ASPM: variants seen among roughly 807,000 people sequenced by gnomAD.
ASPM encodes abnormal spindle-like microcephaly-associated protein.
In ASPM, 256 loss-of-function variants were observed where a neutral mutation model predicts 366.4. The ratio of observed to expected loss-of-function variants is 0.70; its 90% CI spans 0.63 to 0.77. The LOEUF is 0.77. ASPM is among the 30% of genes least tolerant of loss of function. The pLI is 0.00. For synonymous variants in ASPM, 1,414 were observed against 1,342.9 expected, an observed-to-expected ratio of 1.05 and a Z score of -1.16; for missense variants, 4,146 against 4,090.4, an observed-to-expected ratio of 1.01 and a Z score of -0.37.
chr1:197,095,760 A>T (rs938533536), intron 19 of ASPM, among the ~76,000 whole-genome samples: 2 of 50,600 alleles, frequency 4.0e-5, no homozygotes, highest in African/African-American at 6.3e-5. Flanking sequence ...TGAATTAATC[A>T]AGTATATAAT....
intron 18 of ASPM, 149 bp downstream of exon 18, chr1:197,100,282 T>G: frequency 1.6e-6 from 1 of 616,614 alleles, no homozygotes; most frequent in Non-Finnish European, 2.7e-6. Flanking sequence ...CCTTTCCCTC[T>G]TTCAAAAATG....
At chr1:197,145,421 A>C (rs1027071486) in intron 1 of ASPM, among the ~76,000 whole-genome samples, 13 of 152,148 alleles carry the variant, frequency 8.5e-5, no homozygotes, top group Non-Finnish European at 1.6e-4. Context: ...GGACTAAAAT[A>C]CTAAAGTGTG....
intron 17 of ASPM, among the ~76,000 whole-genome samples, chr1:197,110,148 C>T (rs921460755): frequency 5.3e-5 from 8 of 151,868 alleles, no homozygotes; most frequent in Admixed American, 2.0e-4. Flanking sequence ...TAAAATTGGA[C>T]GAATCACAAT....
At position 197,146,575 on chromosome 1, in the gene ASPM, C is replaced by G. The variant is rs1571634453; in HGVS notation, c.-138G>C. 5.8e-6 allele frequency: 5 copies of G among 868,398 alleles called. No individual in the cohort carries two copies. The Admixed American group carries it at 6.8e-5, about 12-fold the overall frequency. The allele number at this position is 868,398 out of a possible 1,614,324, so 53.8% of individuals were successfully genotyped here. On this transcript the variant is annotated 5_prime_UTR_variant, in exon 1 of 28. Coordinates refer to ENST00000367409, the MANE Select transcript of ASPM (RefSeq NM_018136.5). ...CGTGGGAGTGAATTCGGCCCTTTTT[C>G]TTTTCCACTAACCTACTCCCTAGAA...
intron 19 of ASPM, among the ~76,000 whole-genome samples, chr1:197,094,410 T>C (rs368826537): frequency 6.6e-6 from 1 of 151,754 alleles, no homozygotes; most frequent in South Asian, 2.1e-4. Flanking sequence ...GTAAGAAATA[T>C]GAAGTTCTAC....
chr1:197,145,508 ACAAAG>A (rs1658736498), intron 1 of ASPM, among the ~76,000 whole-genome samples: 1 of 152,150 alleles, frequency 6.6e-6, no homozygotes, highest in Non-Finnish European at 1.5e-5. Context: ...TTTAGCCAGA[ACAAAG>A]CTCACTATTT....
rs779723040 is a variant in ASPM at position 197,121,899 on chromosome 1, C to CAT, written c.3870+14_3870+15dup. On this transcript the variant is annotated intron_variant, in intron 16 of 27. Coordinates refer to ENST00000367409, the MANE Select transcript of ASPM (RefSeq NM_018136.5). Reference sequence around the variant, plus strand: ...AGTATAATTCACACTATAGTAGTTTCATATTCTAGGAGTACCTGATGGCGT... The same window carrying CAT: ...AGTATAATTCACACTATAGTAGTTTCATATATTCTAGGAGTACCTGATGGCGT... 1 of 1,596,966 alleles carries CAT rather than the reference C, an allele frequency of 6.3e-7. No individual in the cohort carries two copies. The highest frequency in any genetic ancestry group is 1.3e-5 in the African/African-American group (1 of 74,550).
intron 13 of ASPM, among the ~76,000 whole-genome samples, chr1:197,123,044 G>A (rs1017466915): frequency 6.6e-6 from 1 of 152,144 alleles, no homozygotes; most frequent in Non-Finnish European, 1.5e-5. Flanking sequence ...ACATAACCTT[G>A]TTCACAGGTG....
At position 197,100,862 on chromosome 1, in the gene ASPM, A is replaced by G. The variant is rs1456514868; in HGVS notation, c.8389T>C (p.Trp2797Arg). ...VQSEGVMIQE[W>R]YKASGLACSQ... ...CAAGCAAGGCCAGAAGCTTTATACC[A>G]CTCTTGAATCATAACACCTTCACTT... The change falls in exon 18 of 28, where the codon TGG becomes CGG. Residue 2797 changes from tryptophan (W) to arginine (R), a missense_variant. By Grantham distance (101) the Trp-to-Arg change is moderately radical (BLOSUM62 -3). Around this residue, in one of 3 missense-constraint regions of ASPM, gnomAD observed 3,624 missense variants for 3,591.7 expected, o/e 1.01. Coordinates refer to ENST00000367409, the MANE Select transcript of ASPM (RefSeq NM_018136.5). The G allele has an allele frequency of 1.2e-6, 2 of 1,612,226 alleles. No individual in the cohort carries two copies. The highest frequency in any genetic ancestry group is 1.7e-6 in the Non-Finnish European group (2 of 1,179,094).
intron 22 of ASPM, 137 bp downstream of exon 22, chr1:197,091,770 C>A: frequency 1.2e-6 from 1 of 867,904 alleles, no homozygotes; most frequent in Non-Finnish European, 1.8e-6. Flanking sequence ...ACCCTCAAAT[C>A]ATTGTAACAG....
rs778575644 is a variant in ASPM at position 197,101,787 on chromosome 1, C to T, written c.7464G>A (p.Gln2488=). The part of the protein sequence containing the change: ...QEMQRAAVLI[Q]ATFRMYRTYI... ...ATGTTCTGTACATCCTGAAAGTAGC[C>T]TGAATGAGAACTGCAGCCCTTTGCA... is the stretch of plus-strand genomic sequence containing the variant. Residue 2488 remains glutamine (Q), a synonymous_variant, in exon 18 of 28, where the codon CAG becomes CAA. Transcript: ENST00000367409. 1.9e-6 allele frequency: 3 copies of T among 1,612,706 alleles called. No individual in the cohort carries two copies. The highest frequency in any genetic ancestry group is 2.5e-6 in the Non-Finnish European group (3 of 1,179,290).
At chr1:197,105,255 C>T (rs1275361551) in intron 17 of ASPM, 70 bp from the exon 18 acceptor site, 13 of 1,157,898 alleles carry the variant, frequency 1.1e-5, no homozygotes, top group Non-Finnish European at 1.6e-5. Flanking sequence ...TTTCAAAATA[C>T]TAATTTTTCT....
intron 19 of ASPM, 96 bp downstream of exon 19, chr1:197,095,902 T>A (rs1656959158): frequency 1.8e-6 from 2 of 1,140,598 alleles, no homozygotes; most frequent in Non-Finnish European, 2.5e-6. Flanking sequence ...TAACAAATAT[T>A]TAAAATAAAA....
Position 197,122,226 on chromosome 1 carries a change from C to T in ASPM, c.3674G>A (p.Arg1225Lys). 1 of 1,612,238 alleles carries T rather than the reference C, an allele frequency of 6.2e-7. No homozygotes were observed. The highest frequency in any genetic ancestry group is 8.5e-7 in the Non-Finnish European group (1 of 1,178,462). The change falls in exon 15 of 28, where the codon AGA (arginine) becomes AAA (lysine). Residue 1225 changes from arginine to lysine, a missense_variant. Around this residue, in one of 3 missense-constraint regions of ASPM, gnomAD observed 3,624 missense variants for 3,591.7 expected, o/e 1.01. Coordinates refer to ENST00000367409, the MANE Select transcript of ASPM (RefSeq NM_018136.5). ...KNFHLVRSAV[R>K]DLGGIPAMIN... is the part of the protein sequence containing the mutation. ...CATAGCAGGTATTCCACCAAGGTCT[C>T]TAACTGCAGACCTAACCAAGTGAAA...
At chr1:197,107,089 T>A (rs1657436862) in intron 17 of ASPM, among the ~76,000 whole-genome samples, 2 of 152,034 alleles carry the variant, frequency 1.3e-5, no homozygotes, top group African/African-American at 4.8e-5. Context: ...TCTGGTCAGA[T>A]GATGAAACAA....
At chr1:197,115,434 A>T (rs1657712056) in intron 17 of ASPM, among the ~76,000 whole-genome samples, 2 of 151,966 alleles carry the variant, frequency 1.3e-5, no homozygotes, top group Non-Finnish European at 2.9e-5. Flanking sequence ...TGATATTTTG[A>T]CCTCCTCCTA....
Position 197,143,330 on chromosome 1 carries a change from T to C in ASPM, c.922A>G (p.Ile308Val), listed in dbSNP as rs1658662002. The C allele has an allele frequency of 3.7e-6, 6 of 1,613,892 alleles. No homozygotes were observed. The highest frequency in any genetic ancestry group is 5.1e-6 in the Non-Finnish European group (6 of 1,179,858). ...LTPNCSSTLN[I>V]TQSQIHFLSP... ...AGAAAATGTATTTGGCTTTGTGTAA[T>C]GTTCAAAGTTGAAGAACAGTTGGGG... Residue 308 changes from isoleucine to valine, a missense_variant, in exon 3 of 28, where the codon ATT (isoleucine) becomes GTT (valine). Around this residue, in one of 3 missense-constraint regions of ASPM, gnomAD observed 512 missense variants for 471.7 expected, o/e 1.09. Coordinates refer to ENST00000367409, the MANE Select transcript of ASPM (RefSeq NM_018136.5).
intron 8 of ASPM, 63 bp from the exon 9 acceptor site, chr1:197,129,380 TATG>T: frequency 2.6e-6 from 4 of 1,525,902 alleles, no homozygotes; most frequent in African/African-American, 2.8e-5. Context: ...CATCTTAAAA[TATG>T]ATAATAATAA....
At chr1:197,144,151 C>T (rs766279361) in intron 1 of ASPM, 51 bp from the exon 2 acceptor site, 2 of 1,297,230 alleles carry the variant, frequency 1.5e-6, no homozygotes, top group East Asian at 4.7e-5. Context: ...TACATAATAA[C>T]CAAAACACCT....
Sources: gnomAD v4.1 joint callset for allele counts (sites outside exome capture counted in the v4.1 genomes callset) on GRCh38, gnomAD v4.1.1 for gene constraint, gnomAD v4.1.1 regional missense constraint, MANE v1.5 for transcripts, NCBI Gene and HGNC (gene_info 2026-07-23, HGNC 2026-07-21) for gene names.